CNTNAP2: variants seen among roughly 807,000 people sequenced by gnomAD.
CNTNAP2 encodes contactin associated protein 2, also known as contactin-associated protein-like 2.
Under a neutral mutation model 155.2 loss-of-function variants are expected in CNTNAP2, and 98 were observed. That is an observed-to-expected ratio of 0.63 (90% CI 0.54 to 0.75). The LOEUF is 0.75. CNTNAP2 is among the 30% of genes least tolerant of loss of function. The pLI is 0.00. For missense variants in CNTNAP2, 1,727 were observed against 1,688.1 expected (o/e 1.02, Z -0.40); for synonymous variants, 651 against 631.2 (o/e 1.03, Z -0.47).
chr7:146,964,845 C>G (rs1007130680), intron 3 of CNTNAP2, among the ~76,000 whole-genome samples: 1 of 151,870 alleles, frequency 6.6e-6, no homozygotes. Flanking sequence ...AGCAGATAGT[C>G]ATGGCTGACT....
intron 3 of CNTNAP2, among the ~76,000 whole-genome samples, chr7:146,893,611 A>G (rs1795822019): frequency 6.6e-6 from 1 of 152,084 alleles, no homozygotes; most frequent in Non-Finnish European, 1.5e-5. Context: ...CTGACTATTC[A>G]TCTGTTCTAG....
At chr7:146,559,135 A>G (rs2129144064) in intron 1 of CNTNAP2, among the ~76,000 whole-genome samples, 1 of 152,322 alleles carries the variant, frequency 6.6e-6, no homozygotes, top group South Asian at 2.1e-4. Flanking sequence ...TAACATATTG[A>G]GTATTTCAAA....
chr7:147,725,602 ATT>A (rs1796627511), intron 13 of CNTNAP2, among the ~76,000 whole-genome samples: 1 of 152,050 alleles, frequency 6.6e-6, no homozygotes, highest in Non-Finnish European at 1.5e-5. Flanking sequence ...TGGCTCTGAA[ATT>A]TGAACAAGGG....
chr7:147,354,578 C>T (rs181132408), intron 9 of CNTNAP2, among the ~76,000 whole-genome samples: 65 of 152,180 alleles, frequency 4.3e-4, no homozygotes, highest in African/African-American at 1.2e-3. Flanking sequence ...GTGATGGTTA[C>T]GGCTTTGCTC....
intron 9 of CNTNAP2, among the ~76,000 whole-genome samples, chr7:147,332,897 T>G (rs533604088): frequency 2.6e-5 from 4 of 152,130 alleles, no homozygotes; most frequent in Non-Finnish European, 5.9e-5. Flanking sequence ...CAATGTGGGT[T>G]GGTTTCTATT....
intron 1 of CNTNAP2, among the ~76,000 whole-genome samples, chr7:146,760,583 C>A (rs1184621238): frequency 1.3e-5 from 2 of 151,598 alleles, no homozygotes. Flanking sequence ...CACCATCACG[C>A]CTGGCTAATT....
intron 1 of CNTNAP2, among the ~76,000 whole-genome samples, chr7:146,403,707 T>C (rs993020311): frequency 2.0e-5 from 3 of 152,136 alleles, no homozygotes; most frequent in Non-Finnish European, 2.9e-5. Flanking sequence ...GCTTAAGCTC[T>C]ACTTAATAAA....
chr7:146,492,240 GGAGA>G (rs754327611), intron 1 of CNTNAP2, among the ~76,000 whole-genome samples: 13 of 139,092 alleles, frequency 9.3e-5, no homozygotes, highest in African/African-American at 3.2e-4. Flanking sequence ...AGAGAGAGGG[GGAGA>G]GAGAGAGAGA....
At chr7:147,314,290 G>A (rs574342087) in intron 9 of CNTNAP2, among the ~76,000 whole-genome samples, 59 of 152,216 alleles carry the variant, frequency 3.9e-4, no homozygotes, top group African/African-American at 1.3e-3. Context: ...GACTTTCCTA[G>A]TAACATATAA....
At chr7:147,148,113 G>A (rs1316424228) in intron 8 of CNTNAP2, among the ~76,000 whole-genome samples, 8 of 151,920 alleles carry the variant, frequency 5.3e-5, no homozygotes, top group Admixed American at 6.5e-5. Context: ...GGTGGGGGCC[G>A]GGCGCGGTGG....
At chr7:147,797,061 G>T (rs1797908310) in intron 13 of CNTNAP2, among the ~76,000 whole-genome samples, 1 of 152,172 alleles carries the variant, frequency 6.6e-6, no homozygotes, top group South Asian at 2.1e-4. Context: ...TTCTCTGAGT[G>T]TCAGTCCCTC....
intron 3 of CNTNAP2, among the ~76,000 whole-genome samples, chr7:146,959,713 CAAAAAAA>C (rs1176908836): frequency 1.1e-5 from 1 of 90,402 alleles, no homozygotes; most frequent in Non-Finnish European, 2.2e-5. Context: ...CAGCGAGTCT[CAAAAAAA>C]AAAAAAAAAA....
chr7:147,736,752 C>A lies in CNTNAP2; in HGVS notation c.2098+97446C>A, dbSNP rs148007463. 6.5e-3 allele frequency among the ~76,000 whole-genome samples: 993 copies of A among 152,296 alleles called. 4 individuals carry two copies. The highest frequency in any genetic ancestry group is 0.012 in the Non-Finnish European group (789 of 68,038). On this transcript the variant is annotated intron_variant, in intron 13 of 23. Transcript: ENST00000361727. ...ATTCTTTTTTCTCTAAACTTCTCTT[C>A]TTGCTTCATTTCATTCATTTGATCT...
chr7:147,183,187 C>A (rs976665893), intron 8 of CNTNAP2, among the ~76,000 whole-genome samples: 2 of 151,302 alleles, frequency 1.3e-5, no homozygotes, highest in South Asian at 2.1e-4. Flanking sequence ...TACTTCTAAT[C>A]TAAATTAAAA....
chr7:148,114,755 A>C (rs1804429067), intron 15 of CNTNAP2, among the ~76,000 whole-genome samples: 1 of 152,220 alleles, frequency 6.6e-6, no homozygotes, highest in East Asian at 1.9e-4. Flanking sequence ...TTACTTACAA[A>C]TCCCATCCAT....
chr7:146,540,726 C>G (rs1797939593), intron 1 of CNTNAP2, among the ~76,000 whole-genome samples: 1 of 152,042 alleles, frequency 6.6e-6, no homozygotes, highest in African/African-American at 2.4e-5. Context: ...ATACGGCATG[C>G]AGTACTGCTC....
rs1354267763 is a variant in CNTNAP2 at position 146,121,117 on chromosome 7, TCC to T, written c.97+4145_97+4146del. Among the ~76,000 whole-genome samples, 198 of 136,458 alleles carry T rather than the reference TCC, an allele frequency of 1.5e-3. 3 individuals are homozygous for T. The highest frequency in any genetic ancestry group is 1.9e-3 in the Non-Finnish European group (123 of 64,612). The allele number at this position is 136,458 out of a possible 152,430, so 89.5% of individuals were successfully genotyped here. A position where few individuals can be genotyped will look rare whatever the true frequency, so the allele number is the denominator to read the frequency against. On this transcript the variant is annotated intron_variant, in intron 1 of 23. Transcript: ENST00000361727. ...AATGTCTTAAAGTTTACATAAAGCT[TCC>T]TTTTTTTTTTTTTTTTTTTTTTTTT...
chr7:146,919,987 G>A (rs780465214), intron 3 of CNTNAP2, among the ~76,000 whole-genome samples: 1 of 151,990 alleles, frequency 6.6e-6, no homozygotes, highest in Non-Finnish European at 1.5e-5. Context: ...CTCAACATAT[G>A]GATTCTGAGG....
chr7:147,486,889 CTGTG>C (rs10544219), intron 11 of CNTNAP2, among the ~76,000 whole-genome samples: 142 of 146,876 alleles, frequency 9.7e-4, no homozygotes, highest in African/African-American at 1.2e-3. Context: ...ACGTATGTGC[CTGTG>C]TGTGTGTGTG....
Sources: gnomAD v4.1 joint callset for allele counts (sites outside exome capture counted in the v4.1 genomes callset) on GRCh38, gnomAD v4.1.1 for gene constraint, MANE v1.5 for transcripts, NCBI Gene and HGNC (gene_info 2026-07-23, HGNC 2026-07-21) for gene names.